The following DMRT1 variants were observed in gnomAD, a reference collection of about 807,000 sequenced individuals.
The protein encoded by DMRT1 is doublesex and mab-3 related transcription factor 1, also known as doublesex- and mab-3-related transcription factor 1.
In DMRT1, 7 loss-of-function variants were observed where a neutral mutation model predicts 32.3. The observed-to-expected ratio is 0.22, with a 90% CI of 0.12 to 0.41. The LOEUF (loss-of-function observed/expected upper bound fraction) is 0.41. Ranked by LOEUF, DMRT1 falls within the 10% of genes least tolerant of loss-of-function variation. The pLI is 1.00. For synonymous variants in DMRT1, 278 were observed against 206.1 expected (o/e 1.35, Z -2.99); for missense variants, 625 against 500.5 (o/e 1.25, Z -2.37).
At chr9:954,106 C>G (rs982174334) in intron 4 of DMRT1, among the ~76,000 whole-genome samples, 2 of 152,074 alleles carry the variant, frequency 1.3e-5, no homozygotes, top group South Asian at 2.1e-4. Context: ...CCTTAGAGGT[C>G]TGTGCAGGCA....
intron 2 of DMRT1, among the ~76,000 whole-genome samples, chr9:868,881 A>G (rs1816108567): frequency 2.0e-5 from 3 of 152,110 alleles, no homozygotes; most frequent in Admixed American, 2.0e-4. Flanking sequence ...ATGGTGGCAC[A>G]CACCTGTGGT....
chr9:922,748 C>A (rs183991542), intron 4 of DMRT1, among the ~76,000 whole-genome samples: 50 of 152,284 alleles, frequency 3.3e-4, no homozygotes, highest in African/African-American at 1.2e-3. Context: ...CCTTCCTTCA[C>A]GTCCAAGCTG....
At chr9:893,123 C>T (rs1817217306) in intron 2 of DMRT1, among the ~76,000 whole-genome samples, 1 of 152,178 alleles carries the variant, frequency 6.6e-6, no homozygotes, top group Admixed American at 6.5e-5. Context: ...ACCGTAGACT[C>T]CCTGTGGGCA....
chr9:944,002 C>G (rs1022944872), intron 4 of DMRT1, among the ~76,000 whole-genome samples: 5 of 152,136 alleles, frequency 3.3e-5, no homozygotes, highest in Non-Finnish European at 7.3e-5. Context: ...TTTGGGGTCT[C>G]TCAGACCTGG....
At chr9:924,775 C>G (rs1818467692) in intron 4 of DMRT1, among the ~76,000 whole-genome samples, 2 of 152,176 alleles carry the variant, frequency 1.3e-5, no homozygotes, top group African/African-American at 4.8e-5. Context: ...GTAAAACACA[C>G]CAGTGCTTTT....
chr9:934,730 C>G (rs1818830728), intron 4 of DMRT1, among the ~76,000 whole-genome samples: 1 of 152,160 alleles, frequency 6.6e-6, no homozygotes, highest in Non-Finnish European at 1.5e-5. Flanking sequence ...TTTCCCGGCA[C>G]TATTTGTTAA....
At chr9:853,076 T>TA (rs990207200) in intron 2 of DMRT1, among the ~76,000 whole-genome samples, 237 of 152,052 alleles carry the variant, frequency 1.6e-3, no homozygotes, top group African/African-American at 5.0e-3. Flanking sequence ...TTGTTTAAAT[T>TA]AAAAAAAACA....
intron 2 of DMRT1, among the ~76,000 whole-genome samples, chr9:876,409 G>T (rs943656115): frequency 6.6e-6 from 1 of 152,218 alleles, no homozygotes; most frequent in East Asian, 1.9e-4. Context: ...ATCACAGTCT[G>T]TCTTTGGAGC....
chr9:880,722 C>A (rs542778546), intron 2 of DMRT1, among the ~76,000 whole-genome samples: 6 of 104,974 alleles, frequency 5.7e-5, no homozygotes, highest in Non-Finnish European at 7.1e-5. Context: ...AAAACTCAGT[C>A]TCAAAAAAAA....
intron 3 of DMRT1, among the ~76,000 whole-genome samples, chr9:900,762 G>A (rs575440571): frequency 2.7e-4 from 41 of 151,022 alleles, no homozygotes; most frequent in African/African-American, 1.0e-3. Context: ...GTAGCTCACT[G>A]CAGCCTCCAA....
rs1327313863 is a variant in DMRT1, at chr9:842,408, T to C, written c.354+216T>C. 7.9e-6 allele frequency: 5 copies of C among 629,024 alleles called. No individual in the cohort carries two copies. The East Asian group carries it at 1.1e-4, about 14-fold the overall frequency. 39.0% of individuals were successfully genotyped at this position (629,024 alleles called of 1,614,324 possible). On this transcript the variant is annotated intron_variant, in intron 1 of 4. Transcript: ENST00000382276. ...CACCACCATGCCCGGCTAATTTTTG[T>C]ATTTTTAGTAGAGACGGGGGTTTCA... is the stretch of plus-strand genomic sequence containing the variant.
Position 954,158 on chromosome 9 carries a change from G to A in DMRT1, c.968-13827G>A, listed in dbSNP as rs934047136. ...GGCTAGGACGTGGCATAATAAGCAC[G>A]GGGAGAAGTGGGCAATCAGATTGCT... is the stretch of plus-strand genomic sequence containing the variant. On this transcript the variant is annotated intron_variant, in intron 4 of 4. Transcript: ENST00000382276. Among the ~76,000 whole-genome samples the A allele has an allele frequency of 5.3e-5, 8 of 152,208 alleles. No homozygotes were observed. In the South Asian group the frequency reaches 1.5e-3, roughly 28 times the overall value.
chr9:862,377 T>C lies in DMRT1; in HGVS notation c.538+15234T>C, dbSNP rs1255152072. The stretch of plus-strand genomic sequence containing the variant: ...CCAGTCAGGTGTGGCGGCGCGCGCC[T>C]GCAGTCCCAGGCACGCGGCAGGCTG... On this transcript the variant is annotated intron_variant, in intron 2 of 4. Coordinates refer to ENST00000382276, the MANE Select transcript of DMRT1 (RefSeq NM_021951.3). 7.2e-5 allele frequency among the ~76,000 whole-genome samples: 11 copies of C among 151,742 alleles called. No individual in the cohort carries two copies. In the South Asian group the frequency reaches 1.9e-3, roughly 26 times the overall value.
At chr9:900,943 C>T (rs1238813628) in intron 3 of DMRT1, among the ~76,000 whole-genome samples, 1 of 152,052 alleles carries the variant, frequency 6.6e-6, no homozygotes, top group Non-Finnish European at 1.5e-5. Flanking sequence ...CCTCCTGCCT[C>T]AGCCTCTAGA....
At chr9:911,376 G>A (rs1010147173) in intron 3 of DMRT1, among the ~76,000 whole-genome samples, 1 of 150,326 alleles carries the variant, frequency 6.7e-6, no homozygotes, top group Non-Finnish European at 1.5e-5. Context: ...GCCAAAAGTA[G>A]CAGGGTTGTG....
At chr9:921,566 T>TA (rs1180450199) in intron 4 of DMRT1, among the ~76,000 whole-genome samples, 1 of 152,182 alleles carries the variant, frequency 6.6e-6, no homozygotes, top group Non-Finnish European at 1.5e-5. Flanking sequence ...AGGAACATGT[T>TA]ACTGTTTTTC....
intron 1 of DMRT1, among the ~76,000 whole-genome samples, chr9:845,256 C>T (rs1305117061): frequency 6.6e-6 from 1 of 152,098 alleles, no homozygotes; most frequent in East Asian, 1.9e-4. Flanking sequence ...ATTGCCCAGG[C>T]TGGAGTGCAG....
intron 3 of DMRT1, among the ~76,000 whole-genome samples, chr9:897,746 A>G (rs16925505): frequency 0.11 from 16,620 of 151,836 alleles, 1,662 homozygotes; most frequent in African/African-American, 0.25. Context: ...TAAAAAATCT[A>G]TTGAGTTCTT....
chr9:919,809 G>T (rs1283047324), intron 4 of DMRT1, among the ~76,000 whole-genome samples: 1 of 152,170 alleles, frequency 6.6e-6, no homozygotes, highest in Non-Finnish European at 1.5e-5. Context: ...TGGGAGCGTG[G>T]CAGTGATGAC....
Sources: gnomAD v4.1 joint callset for allele counts (sites outside exome capture counted in the v4.1 genomes callset) on GRCh38, gnomAD v4.1.1 for gene constraint, MANE v1.5 for transcripts, NCBI Gene and HGNC (gene_info 2026-07-23, HGNC 2026-07-21) for gene names.